Variants in PCOLCE2 observed in about 807,000 individuals in gnomAD.
PCOLCE2 encodes the protein procollagen C-endopeptidase enhancer 2.
PCOLCE2 carries 42 observed loss-of-function variants against 47.0 expected under a neutral mutation model. The observed-to-expected ratio is 0.89, with a 90% CI of 0.70 to 1.16. The LOEUF (loss-of-function observed/expected upper bound fraction) is 1.16. Ranked by LOEUF, PCOLCE2 falls within the 50% of genes most tolerant of loss-of-function variation. PCOLCE2 has a pLI of 0.00. For synonymous variants in PCOLCE2, 169 were observed against 191.7 expected (o/e 0.88, Z 0.98); for missense variants, 500 against 526.1 (o/e 0.95, Z 0.49).
rs565609110 is a variant in PCOLCE2, at chr3:142,836,131, C to T, written c.710+2639G>A. Among the ~76,000 whole-genome samples, 4 of 152,268 alleles carry T rather than the reference C, an allele frequency of 2.6e-5. No homozygotes were observed. In the South Asian group the frequency reaches 8.3e-4, roughly 32 times the overall value. On this transcript the variant is annotated intron_variant, in intron 5 of 8. Transcript: ENST00000295992. ...CTTGACCTGTTTTTTTGGGGACAGT[C>T]AGGTAGTGTAAATTCTAACCCCAAA...
At chr3:142,857,104 T>C (rs561415719) in intron 2 of PCOLCE2, among the ~76,000 whole-genome samples, 19 of 152,338 alleles carry the variant, frequency 1.2e-4, no homozygotes, top group Non-Finnish European at 2.4e-4. Context: ...GCAATGAACC[T>C]GTACTTTCCC....
intron 5 of PCOLCE2, among the ~76,000 whole-genome samples, chr3:142,837,206 C>T (rs922386595): frequency 6.6e-6 from 1 of 152,246 alleles, no homozygotes; most frequent in Non-Finnish European, 1.5e-5. Flanking sequence ...CCTTTCAGAG[C>T]TTTCAGAAGG....
intron 2 of PCOLCE2, among the ~76,000 whole-genome samples, chr3:142,869,387 G>C (rs141224620): frequency 2.0e-5 from 3 of 152,072 alleles, no homozygotes; most frequent in Non-Finnish European, 4.4e-5. Context: ...GGTCCGGAAA[G>C]AAATCAAAGT....
At chr3:142,861,143 C>A (rs193095602) in intron 2 of PCOLCE2, among the ~76,000 whole-genome samples, 3 of 152,334 alleles carry the variant, frequency 2.0e-5, no homozygotes, top group Admixed American at 2.0e-4. Context: ...AAATGGTTTT[C>A]TCAGAACGCT....
At chr3:142,877,546 G>A (rs960248396) in intron 2 of PCOLCE2, among the ~76,000 whole-genome samples, 2 of 152,238 alleles carry the variant, frequency 1.3e-5, no homozygotes, top group Middle Eastern at 3.4e-3. Flanking sequence ...CTGTGCTAAG[G>A]GACTTTCATC....
rs1447144270 is a variant in PCOLCE2, at chr3:142,842,727, G to A, written c.573+197C>T. On this transcript the variant is annotated intron_variant, in intron 4 of 8. Coordinates refer to ENST00000295992, the MANE Select transcript of PCOLCE2 (RefSeq NM_013363.4). The surrounding 1 kb of genome is among the most constrained non-coding windows in gnomAD (Gnocchi z 4.1). ...GCACTCCAGACAGGGCGACAAGAGCGAAACTCTGTCTCAAAAAAAAAAAAA... is the reference window on the plus strand; with the variant it reads ...GCACTCCAGACAGGGCGACAAGAGCAAAACTCTGTCTCAAAAAAAAAAAAA... 4.7e-5 allele frequency among the ~76,000 whole-genome samples: 7 copies of A among 149,032 alleles called. No individual in the cohort carries two copies. Among genetic ancestry groups the A allele is most frequent in the Admixed American group, 2.0e-4 (3 of 15,010 alleles).
intron 2 of PCOLCE2, among the ~76,000 whole-genome samples, chr3:142,881,635 C>T (rs942654869): frequency 1.3e-5 from 2 of 152,082 alleles, no homozygotes; most frequent in African/African-American, 4.8e-5. Flanking sequence ...GTACTGAACA[C>T]TGTAGGCAAA....
At chr3:142,849,647 C>CATTT (rs1937368139) in intron 2 of PCOLCE2, among the ~76,000 whole-genome samples, 1 of 152,120 alleles carries the variant, frequency 6.6e-6, no homozygotes, top group South Asian at 2.1e-4. Flanking sequence ...GTTGTTCAGT[C>CATTT]ATAAAGTCTT....
At chr3:142,823,364 T>C (rs1937036298) in intron 7 of PCOLCE2, among the ~76,000 whole-genome samples, 168 bp downstream of exon 7, 1 of 152,212 alleles carries the variant, frequency 6.6e-6, no homozygotes, top group Non-Finnish European at 1.5e-5. Context: ...TTTTTCTCAG[T>C]GGTGAAATCT....
chr3:142,860,532 C>A (rs753245109), intron 2 of PCOLCE2, among the ~76,000 whole-genome samples: 13 of 152,140 alleles, frequency 8.5e-5, no homozygotes, highest in Non-Finnish European at 1.9e-4. Context: ...CCTCAGCCCC[C>A]CAAGTAGCTG....
At chr3:142,855,420 GTAT>G (rs1265724455) in intron 2 of PCOLCE2, among the ~76,000 whole-genome samples, 2 of 152,194 alleles carry the variant, frequency 1.3e-5, no homozygotes, top group Non-Finnish European at 2.9e-5. Context: ...TACAGGGCAA[GTAT>G]TATTAAGATC....
At chr3:142,852,647 A>ATG (rs35154183) in intron 2 of PCOLCE2, among the ~76,000 whole-genome samples, 4,044 of 144,740 alleles carry the variant, frequency 0.028, 75 homozygotes, top group Middle Eastern at 0.064. Context: ...GCTGATCAAA[A>ATG]TGTGTGTGTG....
intron 6 of PCOLCE2, chr3:142,827,331 AG>A: frequency 7.0e-7 from 1 of 1,423,026 alleles, no homozygotes; most frequent in East Asian, 2.3e-5. Flanking sequence ...CAAGCCTTCA[AG>A]ATGGGTTTGT....
intron 2 of PCOLCE2, among the ~76,000 whole-genome samples, chr3:142,865,139 C>T (rs951865243): frequency 3.9e-5 from 6 of 152,008 alleles, no homozygotes; most frequent in African/African-American, 1.5e-4. Flanking sequence ...TCCTCAACAA[C>T]ACTTGCTATT....
intron 1 of PCOLCE2, 102 bp downstream of exon 1, chr3:142,888,712 C>T: frequency 1.5e-6 from 1 of 678,134 alleles, no homozygotes; most frequent in Non-Finnish European, 2.3e-6. Flanking sequence ...AGCGCTGGGT[C>T]ACCCAGGCGC....
Position 142,823,573 on chromosome 3 carries a change from CGTCTACACT to C in PCOLCE2, c.899_907del (p.Lys300_Arg302del), listed in dbSNP as rs1937039625. The C allele has an allele frequency of 6.2e-7, 1 of 1,610,968 alleles. No homozygotes were observed. Among genetic ancestry groups the C allele is most frequent in the Admixed American group, 1.7e-5 (1 of 59,882 alleles). On this transcript the variant is annotated inframe_deletion, in exon 7 of 9. Transcript: ENST00000295992. ...ATAATTGCCCTCCAGAGTCCCCGTC[CGTCTACACT>C]TTTGTTGACACAAGGCCACGGTGGG...
rs556290173 is a variant in PCOLCE2, at chr3:142,881,558, A to C, written c.192+6111T>G. ...TATACAAACCTAGATTGTATAATCC[A>C]CCACACACCTAGGCTATATAGTATA... is the stretch of plus-strand genomic sequence containing the variant. On this transcript the variant is annotated intron_variant, in intron 2 of 8. Transcript: ENST00000295992. 3.9e-5 allele frequency among the ~76,000 whole-genome samples: 6 copies of C among 152,264 alleles called. No individual in the cohort carries two copies. The East Asian group carries it at 1.2e-3, about 29-fold the overall frequency.
At chr3:142,828,937 C>T (rs1357739970) in intron 6 of PCOLCE2, among the ~76,000 whole-genome samples, 1 of 152,212 alleles carries the variant, frequency 6.6e-6, no homozygotes, top group Non-Finnish European at 1.5e-5. Context: ...TGCCTGTACT[C>T]AGCCCCAGCC....
At chr3:142,823,456 T>C (rs773168332) in intron 7 of PCOLCE2, 76 bp downstream of exon 7, 10 of 857,342 alleles carry the variant, frequency 1.2e-5, no homozygotes, top group Non-Finnish European at 2.0e-5. Context: ...CATAAATTCA[T>C]AGGAATTCCT....
Sources: gnomAD v4.1 joint callset for allele counts (sites outside exome capture counted in the v4.1 genomes callset) on GRCh38, gnomAD v4.1.1 for gene constraint, Gnocchi (gnomAD v3.1) non-coding constraint, MANE v1.5 for transcripts, NCBI Gene and HGNC (gene_info 2026-07-23, HGNC 2026-07-21) for gene names.